CACNB2: variants seen among roughly 807,000 people sequenced by gnomAD.
The protein encoded by CACNB2 is calcium voltage-gated channel auxiliary subunit beta 2, also known as voltage-dependent L-type calcium channel subunit beta-2.
Under a neutral mutation model 73.3 loss-of-function variants are expected in CACNB2, and 42 were observed. The ratio of observed to expected loss-of-function variants is 0.57; its 90% CI spans 0.45 to 0.74. The LOEUF is 0.74. Among genes scored for constraint, CACNB2 ranks in the 30% least tolerant of loss-of-function variants. The pLI is 0.00. For synonymous variants in CACNB2, 348 were observed against 310.3 expected (o/e 1.12, Z -1.28); for missense variants, 940 against 853.0 (o/e 1.10, Z -1.27).
At chr10:18,224,023 C>T (rs889878885) in intron 2 of CACNB2, among the ~76,000 whole-genome samples, 5 of 150,526 alleles carry the variant, frequency 3.3e-5, no homozygotes, top group East Asian at 1.9e-4. Flanking sequence ...AAAGTGGACT[C>T]ATTTTCATAT....
intron 2 of CACNB2, among the ~76,000 whole-genome samples, chr10:18,262,697 T>C (rs905708066): frequency 2.6e-5 from 4 of 152,200 alleles, no homozygotes; most frequent in African/African-American, 9.7e-5. Context: ...GTTTCTAGAA[T>C]AGTGAAGAGT....
chr10:18,417,915 G>C (rs545379960), intron 3 of CACNB2, among the ~76,000 whole-genome samples: 3 of 136,496 alleles, frequency 2.2e-5, no homozygotes, highest in Non-Finnish European at 5.0e-5. Context: ...TTGCCTATTC[G>C]TAAGGGGAAA....
At chr10:18,203,574 A>G (rs1564340905) in intron 2 of CACNB2, among the ~76,000 whole-genome samples, 1 of 152,218 alleles carries the variant, frequency 6.6e-6, no homozygotes, top group Non-Finnish European at 1.5e-5. Context: ...GGAAACATGA[A>G]TAAATAAACA....
Position 18,543,455 on chromosome 10 carries a change from AG to A in CACNB2, c.*3734del, listed in dbSNP as rs1275361159. The A allele has an allele frequency of 6.6e-6, 1 of 152,200 alleles. No individual in the cohort carries two copies. Among genetic ancestry groups the A allele is most frequent in the African/African-American group, 2.4e-5 (1 of 41,458 alleles). 9.4% of individuals were successfully genotyped at this position (152,200 alleles called of 1,614,324 possible). ...TGCTTCATTATTTAAAACATGACAC[AG>A]GGTTTTAAAGTAAATGTACTCACTG... On this transcript the variant is annotated 3_prime_UTR_variant, in exon 14 of 14. Transcript: ENST00000324631.
chr10:18,172,220 C>T (rs894867169), intron 2 of CACNB2, among the ~76,000 whole-genome samples: 2 of 151,960 alleles, frequency 1.3e-5, no homozygotes, highest in Admixed American at 1.3e-4. Flanking sequence ...AAAAATTAGC[C>T]GAGTGTAGTG....
intron 3 of CACNB2, among the ~76,000 whole-genome samples, chr10:18,420,743 C>A (rs1053676017): frequency 2.0e-5 from 3 of 152,202 alleles, no homozygotes; most frequent in Non-Finnish European, 4.4e-5. Context: ...TTAGCCATCA[C>A]AGTCAGCTAA....
At chr10:18,207,145 A>C (rs964196878) in intron 2 of CACNB2, among the ~76,000 whole-genome samples, 20 of 152,226 alleles carry the variant, frequency 1.3e-4, no homozygotes, top group Admixed American at 2.6e-4. Flanking sequence ...AGTAGCTCAG[A>C]CTACAGGCGT....
At chr10:18,307,911 G>A (rs538062390) in intron 2 of CACNB2, among the ~76,000 whole-genome samples, 1 of 148,600 alleles carries the variant, frequency 6.7e-6, no homozygotes, top group East Asian at 2.0e-4. Context: ...CGAGTAGCAT[G>A]TGTGTATTAC....
chr10:18,449,686 G>C (rs916561340), intron 3 of CACNB2, among the ~76,000 whole-genome samples: 2 of 152,208 alleles, frequency 1.3e-5, no homozygotes, highest in Non-Finnish European at 1.5e-5. Flanking sequence ...AACGGAGTCC[G>C]AGCAGTCTAT....
intron 3 of CACNB2, among the ~76,000 whole-genome samples, chr10:18,426,061 C>A (rs2045583708): frequency 6.6e-6 from 1 of 152,142 alleles, no homozygotes; most frequent in Admixed American, 6.5e-5. Context: ...CAGGATTGAA[C>A]TGACTATTCT....
intron 9 of CACNB2, among the ~76,000 whole-genome samples, chr10:18,523,388 G>C (rs1403627984): frequency 6.6e-6 from 1 of 152,210 alleles, no homozygotes; most frequent in Non-Finnish European, 1.5e-5. Flanking sequence ...ATTCCAGCCA[G>C]AGAGGGTGGA....
intron 2 of CACNB2, chr10:18,341,111 A>G (rs958950473): frequency 1.2e-5 from 11 of 907,302 alleles, no homozygotes; most frequent in African/African-American, 3.3e-5. Flanking sequence ...ATCTTGCCAG[A>G]AATGTTGCCA....
chr10:18,170,092 A>C (rs2033124520), intron 2 of CACNB2, among the ~76,000 whole-genome samples: 2 of 152,206 alleles, frequency 1.3e-5, no homozygotes, highest in African/African-American at 4.8e-5. Context: ...TGGCATGTCC[A>C]TGAACTAATC....
At chr10:18,174,611 C>G (rs2033470525) in intron 2 of CACNB2, among the ~76,000 whole-genome samples, 1 of 151,978 alleles carries the variant, frequency 6.6e-6, no homozygotes, top group Admixed American at 6.6e-5. Context: ...ACCATGTTGG[C>G]CCTGCTGGTC....
At chr10:18,148,375 T>A (rs1352699344) in intron 1 of CACNB2, among the ~76,000 whole-genome samples, 1 of 152,208 alleles carries the variant, frequency 6.6e-6, no homozygotes, top group East Asian at 1.9e-4. Flanking sequence ...TTAGTACAGT[T>A]GAAAACTGTA....
At chr10:18,442,986 GTATATATATATGTGTA>G (rs2046529780) in intron 3 of CACNB2, among the ~76,000 whole-genome samples, 2 of 19,246 alleles carry the variant, frequency 1.0e-4, no homozygotes, top group Non-Finnish European at 1.6e-4. Context: ...ATATATATAT[GTATATATATATGTGTA>G]TATATATATA....
At chr10:18,290,685 C>G (rs2039028009) in intron 2 of CACNB2, among the ~76,000 whole-genome samples, 2 of 152,196 alleles carry the variant, frequency 1.3e-5, no homozygotes, top group Non-Finnish European at 2.9e-5. Flanking sequence ...AGCATATTCC[C>G]TCCAGCAGAA....
At chr10:18,148,045 T>C (rs1448567743) in intron 1 of CACNB2, among the ~76,000 whole-genome samples, 4 of 152,090 alleles carry the variant, frequency 2.6e-5, no homozygotes, top group Admixed American at 2.0e-4. Context: ...TCCTGACTGT[T>C]ATTATAATAA....
At chr10:18,293,552 C>T (rs1416269145) in intron 2 of CACNB2, among the ~76,000 whole-genome samples, 1 of 152,230 alleles carries the variant, frequency 6.6e-6, no homozygotes, top group African/African-American at 2.4e-5. Context: ...TAAGCTCAGA[C>T]TCTACCCTTG....
Sources: allele counts gnomAD v4.1 joint callset (sites outside exome capture counted in the v4.1 genomes callset), GRCh38; gene constraint gnomAD v4.1.1; transcripts MANE v1.5; gene names NCBI Gene and HGNC (gene_info 2026-07-23, HGNC 2026-07-21).